Variants in HIBADH observed in about 807,000 individuals in gnomAD.
The protein encoded by HIBADH is 3-hydroxyisobutyrate dehydrogenase.
HIBADH carries 25 observed loss-of-function variants against 36.1 expected under a neutral mutation model. The observed-to-expected ratio is 0.69, with a 90% CI of 0.50 to 0.97. The LOEUF (loss-of-function observed/expected upper bound fraction) is 0.97. Ranked by LOEUF, HIBADH falls within the 50% of genes least tolerant of loss-of-function variation. The probability of loss-of-function intolerance (pLI) is 0.00; values close to 1 mark genes in which losing one functional copy is unlikely to be tolerated. For synonymous variants in HIBADH, 160 were observed against 149.5 expected, an observed-to-expected ratio of 1.07 and a Z score of -0.51; for missense variants, 421 against 418.0, an observed-to-expected ratio of 1.01 and a Z score of -0.06.
intron 4 of HIBADH, among the ~76,000 whole-genome samples, chr7:27,619,961 C>T (rs1025502086): frequency 9.2e-5 from 14 of 152,110 alleles, no homozygotes; most frequent in African/African-American, 3.4e-4. Context: ...ACAGGAGGTT[C>T]ACCAATTCCC....
At chr7:27,565,051 T>C (rs1269917659) in intron 4 of HIBADH, among the ~76,000 whole-genome samples, 2 of 152,144 alleles carry the variant, frequency 1.3e-5, no homozygotes, top group Non-Finnish European at 2.9e-5. Context: ...GCCTTTCATA[T>C]GCAAACCAAC....
intron 4 of HIBADH, among the ~76,000 whole-genome samples, chr7:27,568,932 T>C (rs900452068): frequency 1.3e-5 from 2 of 151,712 alleles, no homozygotes; most frequent in African/African-American, 4.8e-5. Flanking sequence ...TTTTTTTTTT[T>C]GTACCACACT....
chr7:27,547,569 A>G (rs891696846), intron 4 of HIBADH, among the ~76,000 whole-genome samples: 1 of 152,152 alleles, frequency 6.6e-6, no homozygotes, highest in Non-Finnish European at 1.5e-5. Flanking sequence ...GGAAACAGAC[A>G]ACGACTGTAA....
At chr7:27,600,708 C>G (rs1295714437) in intron 4 of HIBADH, among the ~76,000 whole-genome samples, 1 of 152,052 alleles carries the variant, frequency 6.6e-6, no homozygotes, top group African/African-American at 2.4e-5. Flanking sequence ...ATGAAAAGGT[C>G]TTCAGACACT....
chr7:27,605,484 C>A (rs1357879593), intron 4 of HIBADH, among the ~76,000 whole-genome samples: 3 of 102,954 alleles, frequency 2.9e-5, no homozygotes, highest in African/African-American at 4.3e-5. Flanking sequence ...TTACAAGACC[C>A]AGGGAGGGGG....
chr7:27,650,807 T>C (rs1192184040), intron 1 of HIBADH, among the ~76,000 whole-genome samples: 1 of 151,918 alleles, frequency 6.6e-6, no homozygotes, highest in East Asian at 1.9e-4. Context: ...CGTGGGCATA[T>C]GAATCAAAGT....
At chr7:27,656,763 T>C (rs189252669) in intron 1 of HIBADH, among the ~76,000 whole-genome samples, 2 of 152,302 alleles carry the variant, frequency 1.3e-5, no homozygotes, top group East Asian at 3.9e-4. Flanking sequence ...ATGAAATAAA[T>C]GAAGTGGCAC....
At chr7:27,590,087 A>T (rs564397977) in intron 4 of HIBADH, among the ~76,000 whole-genome samples, 17 of 152,326 alleles carry the variant, frequency 1.1e-4, no homozygotes, top group African/African-American at 4.1e-4. Context: ...CCAAAATCTC[A>T]TTTGATTTTC....
At chr7:27,584,852 T>C (rs1009253) in intron 4 of HIBADH, among the ~76,000 whole-genome samples, 44,704 of 151,854 alleles carry the variant, frequency 0.29, 7,107 homozygotes, top group Middle Eastern at 0.37. Flanking sequence ...AGGGCAGCAG[T>C]TTTACTCACC....
At chr7:27,616,107 G>C (rs374998936) in intron 4 of HIBADH, among the ~76,000 whole-genome samples, 1 of 152,114 alleles carries the variant, frequency 6.6e-6, no homozygotes. Context: ...TTCCTCTCAC[G>C]GCAGAAAGTG....
At chr7:27,526,446 T>C in intron 7 of HIBADH, 74 bp from the exon 8 acceptor site, 1 of 1,247,432 alleles carries the variant, frequency 8.0e-7, no homozygotes, top group Non-Finnish European at 1.1e-6. Flanking sequence ...TCCTTATGTT[T>C]TGGTTTGAAA....
chr7:27,639,695 C>A (rs962127487), intron 2 of HIBADH, among the ~76,000 whole-genome samples: 1 of 151,734 alleles, frequency 6.6e-6, no homozygotes, highest in Non-Finnish European at 1.5e-5. Context: ...TTAATAAATG[C>A]TTATATAATA....
chr7:27,537,077 T>G (rs1213377340), intron 6 of HIBADH, among the ~76,000 whole-genome samples: 1 of 152,168 alleles, frequency 6.6e-6, no homozygotes, highest in Non-Finnish European at 1.5e-5. Flanking sequence ...TAACCAGTTT[T>G]TCAATTATGA....
intron 2 of HIBADH, 104 bp downstream of exon 2, chr7:27,649,368 GT>G: frequency 1.2e-6 from 1 of 811,676 alleles, no homozygotes; most frequent in Middle Eastern, 3.4e-4. Context: ...ACTGAATTAG[GT>G]TTACAACTCC....
At chr7:27,628,182 A>C (rs537178208) in intron 4 of HIBADH, among the ~76,000 whole-genome samples, 4 of 152,186 alleles carry the variant, frequency 2.6e-5, no homozygotes, top group Non-Finnish European at 5.9e-5. Flanking sequence ...CCACATCATA[A>C]ATTTTTATAC....
In HIBADH at chr7:27,538,391, C is replaced by T. The variant is rs1225827091; in HGVS notation, c.645G>A (p.Leu215=). ...CAGTTCCAATCATACTAATAGCTAA[C>T]AGCATGTTGTTGCAGATCTTTGCCG... ...GQAAKICNNM[L]LAISMIGTAE... Residue 215 remains leucine (L), a synonymous_variant, in exon 6 of 8, where the codon CTG becomes CTA. Transcript: ENST00000265395. 2 of 1,613,164 alleles carry T rather than the reference C, an allele frequency of 1.2e-6. No homozygotes were observed. Among genetic ancestry groups the T allele is most frequent in the Non-Finnish European group, 1.7e-6 (2 of 1,179,514 alleles).
intron 2 of HIBADH, among the ~76,000 whole-genome samples, chr7:27,640,397 G>A (rs1785938755): frequency 6.6e-6 from 1 of 152,086 alleles, no homozygotes; most frequent in East Asian, 1.9e-4. Flanking sequence ...GGGCATGGTG[G>A]TGCACACCTG....
At chr7:27,661,795 A>G (rs958692316) in intron 1 of HIBADH, among the ~76,000 whole-genome samples, 9 of 152,252 alleles carry the variant, frequency 5.9e-5, no homozygotes, top group African/African-American at 1.7e-4. Flanking sequence ...CAAATCAACC[A>G]ATTTTTCAAT....
At chr7:27,531,415 G>T in intron 6 of HIBADH, 67 bp from the exon 7 acceptor site, 1 of 1,350,602 alleles carries the variant, frequency 7.4e-7, no homozygotes, top group Non-Finnish European at 1.0e-6. Context: ...ACTTATTTAT[G>T]TATGGGGATG....
Sources: allele counts gnomAD v4.1 joint callset (sites outside exome capture counted in the v4.1 genomes callset), GRCh38; gene constraint gnomAD v4.1.1; transcripts MANE v1.5; gene names NCBI Gene and HGNC (gene_info 2026-07-23, HGNC 2026-07-21).